The following SLC5A9 variants were observed in gnomAD, a reference collection of about 807,000 sequenced individuals.
SLC5A9 encodes the protein sodium/glucose cotransporter 4.
In SLC5A9, 59 loss-of-function variants were observed where a neutral mutation model predicts 70.9. That is an observed-to-expected ratio of 0.83 (90% CI 0.68 to 1.03). The LOEUF is 1.03. SLC5A9 is among the 50% of genes least tolerant of loss of function. The probability of loss-of-function intolerance (pLI) is 0.00; values close to 1 mark genes in which losing one functional copy is unlikely to be tolerated. For synonymous variants in SLC5A9, 340 were observed against 346.5 expected (o/e 0.98, Z 0.21); for missense variants, 832 against 881.1 (o/e 0.94, Z 0.71).
intron 4 of SLC5A9, 151 bp downstream of exon 4, chr1:48,229,610 G>A: frequency 1.6e-6 from 2 of 1,262,540 alleles, no homozygotes; most frequent in Middle Eastern, 2.7e-4. Flanking sequence ...TGCATGTTCT[G>A]CCTCAGCACT....
chr1:48,232,451 C>T lies in SLC5A9; in HGVS notation c.982C>T (p.Pro328Ser). Residue 328 changes from proline to serine, a missense_variant, in exon 8 of 14, where the codon CCC (proline) becomes TCC (serine). By Grantham distance (74) the Pro-to-Ser change is moderately conservative. Transcript: ENST00000438567. Reference sequence around the variant, plus strand: ...GCTGGGGGGCTACCTGAAGATCCTCCCCATGTTCTTCATCGTCATGCCTGG... The same window carrying T: ...GCTGGGGGGCTACCTGAAGATCCTCTCCATGTTCTTCATCGTCATGCCTGG... ...SVLGGYLKIL[P>S]MFFIVMPGMI... The T allele has an allele frequency of 6.2e-7, 1 of 1,614,192 alleles. No homozygotes were observed. Among genetic ancestry groups the T allele is most frequent in the South Asian group, 1.1e-5 (1 of 91,092 alleles).
chr1:48,224,824 G>C, intron 2 of SLC5A9, 29 bp downstream of exon 2: 2 of 1,607,234 alleles, frequency 1.2e-6, no homozygotes, highest in South Asian at 1.1e-5. Flanking sequence ...ACCACCCCTA[G>C]TGCAGAGGCT....
At position 48,242,450 on chromosome 1, in the gene SLC5A9, CCTCCAG is replaced by C. The variant is rs1465896531; in HGVS notation, c.1678-3_1680del. On this transcript the variant is annotated splice_acceptor_variant and splice_polypyrimidine_tract_variant and intron_variant, in intron 12 of 13. Coordinates refer to ENST00000438567, the MANE Select transcript of SLC5A9 (RefSeq NM_001011547.3). LOFTEE classifies it high-confidence loss of function. ...GCAACTGACTCCAGTGTCTTCTTTC[CCTCCAG>C]CTCACACGCCTCACATGGTGGACTC... 3.8e-6 allele frequency: 6 copies of C among 1,585,130 alleles called. No homozygotes were observed. The South Asian group carries it at 5.7e-5, about 15-fold the overall frequency.
At chr1:48,237,994 A>C in intron 11 of SLC5A9, 147 bp downstream of exon 11, 1 of 807,168 alleles carries the variant, frequency 1.2e-6, no homozygotes, top group South Asian at 1.9e-5. Context: ...AGATTCATTC[A>C]TTCACTCAAC....
intron 4 of SLC5A9, 121 bp downstream of exon 4, chr1:48,229,580 C>G (rs1029678778): frequency 6.7e-7 from 1 of 1,496,696 alleles, no homozygotes; most frequent in African/African-American, 1.4e-5. Context: ...AAAAGGAAAG[C>G]AGGACCTATA....
Position 48,229,382 on chromosome 1 carries a change from A to C in SLC5A9, c.427A>C (p.Lys143Gln). Reference protein sequence around the residue: ...GVVTMPQYLKKRFGGQRIQVY... With the variant: ...GVVTMPQYLKQRFGGQRIQVY... ...GGTCACAATGCCGCAGTATCTGAAG[A>C]AGCGATTTGGGGGCCAGAGGATCCA... The change falls in exon 4 of 14, where the codon AAG (lysine) becomes CAG (glutamine). Residue 143 changes from lysine to glutamine, a missense_variant. By Grantham distance (53) the Lys-to-Gln change is moderately conservative. Transcript: ENST00000438567. The C allele has an allele frequency of 6.2e-7, 1 of 1,614,096 alleles. No individual in the cohort carries two copies. Among genetic ancestry groups the C allele is most frequent in the Non-Finnish European group, 8.5e-7 (1 of 1,180,016 alleles).
rs766752160 is a variant in SLC5A9, at chr1:48,232,049, T to C, written c.795T>C (p.Asp265=). 6.2e-7 allele frequency: 1 copy of C among 1,614,164 alleles called. No individual in the cohort carries two copies. The highest frequency in any genetic ancestry group is 8.5e-7 in the Non-Finnish European group (1 of 1,180,008). The change falls in exon 7 of 14, where the codon GAT becomes GAC. Residue 265 remains aspartate, a synonymous_variant. Transcript: ENST00000438567. ...PNTTCHLPRP[D]AFHILRDPVS... ...CCACCTGTCACCTCCCACGGCCCGA[T>C]GCTTTCCACATTCTTCGGGACCCTG...
intron 13 of SLC5A9, among the ~76,000 whole-genome samples, chr1:48,244,516 T>C (rs181517084): frequency 2.5e-3 from 378 of 151,834 alleles, no homozygotes; most frequent in Non-Finnish European, 4.5e-3. Context: ...GCTCAAAGCT[T>C]CTTCCCACGA....
At chr1:48,242,092 G>T (rs991215828) in intron 12 of SLC5A9, 4 of 466,716 alleles carry the variant, frequency 8.6e-6, no homozygotes, top group Admixed American at 4.7e-5. Flanking sequence ...CAGGGTTTTT[G>T]TTCTTTAAGC....
At chr1:48,230,820 CAG>C in intron 5 of SLC5A9, 115 bp downstream of exon 5, 1 of 754,154 alleles carries the variant, frequency 1.3e-6, no homozygotes, top group Admixed American at 2.3e-5. Context: ...CTGATGCTGA[CAG>C]AGAGGAGAAA....
chr1:48,233,573 C>T lies in SLC5A9; in HGVS notation c.1034-82C>T, dbSNP rs569702549. ...GTCAGAGTCTCCAGTGAACATTATC[C>T]TGTAGTTTTGGAAAGCAAATACTAG... On this transcript the variant is annotated intron_variant, in intron 8 of 13. Transcript: ENST00000438567. 2.2e-5 allele frequency: 23 copies of T among 1,023,116 alleles called. No homozygotes were observed. In the South Asian group the frequency reaches 3.1e-4, roughly 14 times the overall value. The allele number at this position is 1,023,116 out of a possible 1,614,324, so 63.4% of individuals were successfully genotyped here.
chr1:48,239,391 C>A lies in SLC5A9; in HGVS notation c.1531C>A (p.Pro511Thr). 1 of 1,614,112 alleles carries A rather than the reference C, an allele frequency of 6.2e-7. No homozygotes were observed. Among genetic ancestry groups the A allele is most frequent in the South Asian group, 1.1e-5 (1 of 91,078 alleles). ...LLRMILEFSY[P>T]APACGEVDRR... ...GCGTATGATCCTGGAGTTCTCATACCCAGCGCCAGCCTGTGGGGAGGTGGA... is the reference window on the plus strand; with the variant it reads ...GCGTATGATCCTGGAGTTCTCATACACAGCGCCAGCCTGTGGGGAGGTGGA... The change falls in exon 12 of 14, where the codon CCA becomes ACA. Residue 511 changes from proline (P) to threonine (T), a missense_variant. By Grantham distance (38) the Pro-to-Thr change is conservative. Transcript: ENST00000438567. The surrounding 1 kb of genome is among the most constrained non-coding windows in gnomAD (Gnocchi z 4.2).
intron 10 of SLC5A9, among the ~76,000 whole-genome samples, chr1:48,236,956 G>A (rs180756962): frequency 4.7e-4 from 71 of 152,310 alleles, no homozygotes; most frequent in Admixed American, 8.5e-4. Context: ...AGACAGGTAT[G>A]CAGTGACATG....
chr1:48,226,370 C>T (rs1644146933), intron 2 of SLC5A9, among the ~76,000 whole-genome samples: 1 of 152,112 alleles, frequency 6.6e-6, no homozygotes, highest in Non-Finnish European at 1.5e-5. Flanking sequence ...TGTGAGGAAC[C>T]TGAGGCCTCC....
intron 1 of SLC5A9, among the ~76,000 whole-genome samples, chr1:48,223,701 T>A (rs550695353): frequency 1.3e-4 from 20 of 152,246 alleles, no homozygotes; most frequent in Admixed American, 1.2e-3. Flanking sequence ...TGTGGCCAGG[T>A]CAGAGACCCT....
intron 9 of SLC5A9, among the ~76,000 whole-genome samples, chr1:48,234,857 G>A (rs1644305178): frequency 6.6e-6 from 1 of 152,124 alleles, no homozygotes; most frequent in African/African-American, 2.4e-5. Context: ...TAGCCCTAAG[G>A]TCTGCTGTGA....
rs376023192 is a variant in SLC5A9 at position 48,233,669 on chromosome 1, G to T, written c.1048G>T (p.Val350Leu). The T allele has an allele frequency of 3.7e-6, 6 of 1,613,822 alleles. No individual in the cohort carries two copies. The highest frequency in any genetic ancestry group is 1.3e-5 in the African/African-American group (1 of 74,878). Residue 350 changes from valine (V) to leucine (L), a missense_variant, in exon 9 of 14, where the codon GTG becomes TTG. Val to Leu is a conservative substitution (Grantham distance 32). Coordinates refer to ENST00000438567, the MANE Select transcript of SLC5A9 (RefSeq NM_001011547.3). ...TTCTTCCACAGACGAGGTGGGCTGC[G>T]TGGACCCTGATGTCTGCCAAAGAAT... ...RALFPDEVGC[V>L]DPDVCQRICG...
In SLC5A9 at chr1:48,229,345, C is replaced by T. The variant is rs781321377; in HGVS notation, c.390C>T (p.Ile130=). The T allele has an allele frequency of 1.9e-5, 31 of 1,614,022 alleles. No individual in the cohort carries two copies. The highest frequency in any genetic ancestry group is 2.5e-5 in the Non-Finnish European group (29 of 1,180,054). The change falls in exon 4 of 14, where the codon ATC becomes ATT. Residue 130 remains isoleucine (I), a synonymous_variant. Coordinates refer to ENST00000438567, the MANE Select transcript of SLC5A9 (RefSeq NM_001011547.3). ...GCTGGGTCTTCGTCCCTGTGTACAT[C>T]GCAGCAGGTGTGGTCACAATGCCGC... ...ALGWVFVPVY[I]AAGVVTMPQY...
At chr1:48,237,258 G>C (rs1644339268) in intron 10 of SLC5A9, among the ~76,000 whole-genome samples, 1 of 150,652 alleles carries the variant, frequency 6.6e-6, no homozygotes. Context: ...GGAAGGAGCA[G>C]TCCCTGGAAG....
Sources: allele counts gnomAD v4.1 joint callset (sites outside exome capture counted in the v4.1 genomes callset), GRCh38; gene constraint gnomAD v4.1.1; non-coding constraint Gnocchi (gnomAD v3.1); transcripts MANE v1.5; gene names NCBI Gene and HGNC (gene_info 2026-07-23, HGNC 2026-07-21).